The following OTUD7B variants were observed in gnomAD, a reference collection of about 807,000 sequenced individuals.
The protein encoded by OTUD7B is OTU deubiquitinase 7B.
OTUD7B carries 34 observed loss-of-function variants against 82.2 expected under a neutral mutation model. That is an observed-to-expected ratio of 0.41 (90% CI 0.31 to 0.55). The LOEUF is 0.55. Ranked by LOEUF, OTUD7B falls within the 20% of genes least tolerant of loss-of-function variation. The pLI, the probability that OTUD7B is intolerant of heterozygous loss-of-function variation, is 0.20. For missense variants in OTUD7B, 944 were observed against 1,062.1 expected (o/e 0.89, Z 1.55); for synonymous variants, 398 against 402.7 (o/e 0.99, Z 0.14).
At chr1:150,059,427 T>G in the OTUD7B span, among the ~76,000 whole-genome samples, 1 of 149,876 alleles carries the variant, frequency 6.7e-6, no homozygotes, top group African/African-American at 2.5e-5. Flanking sequence ...TGGAGTGCAA[T>G]GGCGCAATCT....
intron 1 of OTUD7B, among the ~76,000 whole-genome samples, chr1:149,992,352 G>C (rs587611821): frequency 6.6e-6 from 1 of 151,898 alleles, no homozygotes; most frequent in Admixed American, 6.6e-5. Context: ...CAAGAGGGTA[G>C]GACAAGATTA....
chr1:150,037,779 G>A, the OTUD7B span, among the ~76,000 whole-genome samples: 34 of 151,870 alleles, frequency 2.2e-4, no homozygotes, highest in East Asian at 2.9e-3. Flanking sequence ...CAGCTGAGAC[G>A]GGGTTTCAAT....
At chr1:150,048,977 C>T in the OTUD7B span, among the ~76,000 whole-genome samples, 4 of 152,102 alleles carry the variant, frequency 2.6e-5, no homozygotes, top group Middle Eastern at 3.4e-3. Context: ...GGATTACAGG[C>T]GCCCGCCACC....
In OTUD7B at chr1:149,940,772, C is replaced by T. The variant is rs983459487; in HGVS notation, c.*3085G>A. Reference sequence around the variant, plus strand: ...TCTTTCCTTCTCCCCAACCCAGTAACGACATGGGCTTGCCTCTTCTATTCC... The same window carrying T: ...TCTTTCCTTCTCCCCAACCCAGTAATGACATGGGCTTGCCTCTTCTATTCC... On this transcript the variant is annotated 3_prime_UTR_variant, in exon 12 of 12. Transcript: ENST00000581312. The T allele has an allele frequency of 3.9e-5, 6 of 152,062 alleles. No individual in the cohort carries two copies. Among genetic ancestry groups the T allele is most frequent in the African/African-American group, 7.3e-5 (3 of 41,364 alleles). The allele number at this position is 152,062 out of a possible 1,614,324, so 9.4% of individuals were successfully genotyped here. A position where few individuals can be genotyped will look rare whatever the true frequency, so the allele number is the denominator to read the frequency against.
chr1:150,046,451 T>C, the OTUD7B span, among the ~76,000 whole-genome samples: 5 of 112,014 alleles, frequency 4.5e-5, no homozygotes, highest in Non-Finnish European at 1.1e-4. Flanking sequence ...GGCATTTTTT[T>C]TTTTTTTTTT....
At chr1:149,990,990 G>A (rs1018962340) in intron 1 of OTUD7B, among the ~76,000 whole-genome samples, 4 of 5,946 alleles carry the variant, frequency 6.7e-4, no homozygotes, top group African/African-American at 8.5e-4. Context: ...AAACTCCGTC[G>A]CAAAAAAAAA....
chr1:149,964,104 C>A, intron 6 of OTUD7B, 118 bp downstream of exon 6: 1 of 1,161,752 alleles, frequency 8.6e-7, no homozygotes, highest in Non-Finnish European at 1.2e-6. Context: ...TTTTCAGGAT[C>A]ATAAGGGGAG....
the OTUD7B span, among the ~76,000 whole-genome samples, chr1:150,025,955 A>T: frequency 2.6e-5 from 4 of 152,316 alleles, no homozygotes; most frequent in East Asian, 7.7e-4. Flanking sequence ...TGCAAGAAGG[A>T]TCTGCAGAGC....
intron 3 of OTUD7B, among the ~76,000 whole-genome samples, chr1:149,968,430 T>C (rs1375849476): frequency 6.6e-6 from 1 of 152,144 alleles, no homozygotes; most frequent in Non-Finnish European, 1.5e-5. Context: ...AGAACAATAA[T>C]GTAGATAGTA....
At chr1:150,020,007 A>G in the OTUD7B span, among the ~76,000 whole-genome samples, 2 of 152,214 alleles carry the variant, frequency 1.3e-5, no homozygotes, top group Non-Finnish European at 2.9e-5. Context: ...ATGTGCCTGC[A>G]GTCCTGGCTA....
chr1:149,943,595 T>A lies in OTUD7B; in HGVS notation c.*262A>T. On this transcript the variant is annotated 3_prime_UTR_variant, in exon 12 of 12. Coordinates refer to ENST00000581312, the MANE Select transcript of OTUD7B (RefSeq NM_020205.4). ...GGACCCAGGAGGTTATAAGACAGAA[T>A]CGCCATCTTTTCCCCTTGTACCTCA... 2.3e-6 allele frequency: 1 copy of A among 433,324 alleles called. No individual in the cohort carries two copies. The allele number at this position is 433,324 out of a possible 1,614,324, so 26.8% of individuals were successfully genotyped here. A position where few individuals can be genotyped will look rare whatever the true frequency, so the allele number is the denominator to read the frequency against.
At chr1:150,004,765 C>T (rs1486489062) in intron 1 of OTUD7B, among the ~76,000 whole-genome samples, 3 of 152,120 alleles carry the variant, frequency 2.0e-5, no homozygotes, top group Admixed American at 6.5e-5. Flanking sequence ...GTCCTGTTTC[C>T]AGGCTTTCGC....
At chr1:149,960,413 T>TTTTTTTTTTTTTTTTTTG (rs1366020859) in intron 6 of OTUD7B, among the ~76,000 whole-genome samples, 1 of 72,566 alleles carries the variant, frequency 1.4e-5, no homozygotes, top group Non-Finnish European at 2.4e-5. Flanking sequence ...TTTTTTTTTG[T>TTTTTTTTTTTTTTTTTTG]AGACAGAGTC....
chr1:150,066,006 A>G, the OTUD7B span, among the ~76,000 whole-genome samples: 7 of 152,232 alleles, frequency 4.6e-5, no homozygotes, highest in African/African-American at 1.7e-4. The surrounding 1 kb of genome is among the most constrained non-coding windows in gnomAD (Gnocchi z 4.6). Flanking sequence ...TCAAAAGGAT[A>G]AAGATTCTTT....
intron 2 of OTUD7B, among the ~76,000 whole-genome samples, chr1:149,973,000 T>C (rs1650036186): frequency 6.6e-6 from 1 of 152,172 alleles, no homozygotes; most frequent in Admixed American, 6.5e-5. Flanking sequence ...GCTCCTCAAG[T>C]TTCCTCAGAT....
At chr1:150,031,653 G>T in the OTUD7B span, among the ~76,000 whole-genome samples, 1 of 152,154 alleles carries the variant, frequency 6.6e-6, no homozygotes, top group African/African-American at 2.4e-5. Flanking sequence ...TAGCATAGTA[G>T]TTAAGAGCCC....
At chr1:149,964,377 T>C (rs374210138) in intron 5 of OTUD7B, 28 bp from the exon 6 acceptor site, 3 of 1,607,030 alleles carry the variant, frequency 1.9e-6, no homozygotes, top group Admixed American at 1.7e-5. Context: ...AATGGTAAGA[T>C]ACCTCAGCTT....
chr1:150,005,756 T>A (rs1652619842), intron 1 of OTUD7B, among the ~76,000 whole-genome samples: 2 of 152,094 alleles, frequency 1.3e-5, no homozygotes, highest in African/African-American at 4.8e-5. Context: ...GAAGAGCCTC[T>A]ACAAAGCACA....
chr1:149,959,622 G>T, intron 7 of OTUD7B, 62 bp downstream of exon 7: 1 of 973,418 alleles, frequency 1.0e-6, no homozygotes, highest in Non-Finnish European at 1.7e-6. Flanking sequence ...TAGACACTGG[G>T]CTGTGGAAGC....
Sources: gnomAD v4.1 joint callset for allele counts (sites outside exome capture counted in the v4.1 genomes callset) on GRCh38, gnomAD v4.1.1 for gene constraint, Gnocchi (gnomAD v3.1) non-coding constraint, MANE v1.5 for transcripts, NCBI Gene and HGNC (gene_info 2026-07-23, HGNC 2026-07-21) for gene names.